CAMK2D: variants seen among roughly 807,000 people sequenced by gnomAD.
CAMK2D encodes the protein calcium/calmodulin dependent protein kinase II delta, also known as calcium/calmodulin-dependent protein kinase type II subunit delta.
In CAMK2D, 37 loss-of-function variants were observed where a neutral mutation model predicts 84.0. The ratio of observed to expected loss-of-function variants is 0.44; its 90% CI spans 0.34 to 0.58. CAMK2D has a LOEUF of 0.58. Ranked by LOEUF, CAMK2D falls within the 20% of genes least tolerant of loss-of-function variation. The pLI, the probability that CAMK2D is intolerant of heterozygous loss-of-function variation, is 0.02. For missense variants in CAMK2D, 448 were observed against 652.5 expected (o/e 0.69, Z 3.41); for synonymous variants, 202 against 212.5 (o/e 0.95, Z 0.43).
At chr4:113,544,187 C>T (rs1351371714) in intron 6 of CAMK2D, among the ~76,000 whole-genome samples, 1 of 152,124 alleles carries the variant, frequency 6.6e-6, no homozygotes, top group Non-Finnish European at 1.5e-5. Flanking sequence ...ACTTCATACA[C>T]CTGTCTACTA....
chr4:113,629,022 T>A (rs1236889794), intron 3 of CAMK2D, among the ~76,000 whole-genome samples: 1 of 151,940 alleles, frequency 6.6e-6, no homozygotes, highest in Non-Finnish European at 1.5e-5. Context: ...TTGAACAAAA[T>A]ACCTAAGCAG....
chr4:113,480,183 G>A (rs1369994086), intron 16 of CAMK2D, among the ~76,000 whole-genome samples: 2 of 151,894 alleles, frequency 1.3e-5, no homozygotes, highest in African/African-American at 4.8e-5. Flanking sequence ...GGCTTGTCTC[G>A]AACTCCTGAG....
intron 12 of CAMK2D, among the ~76,000 whole-genome samples, chr4:113,510,007 G>C (rs1381358415): frequency 6.6e-6 from 1 of 152,196 alleles, no homozygotes; most frequent in Non-Finnish European, 1.5e-5. Flanking sequence ...TTGTAATCCA[G>C]AAAGTTGAAT....
chr4:113,736,899 T>C (rs1297369685), intron 2 of CAMK2D, among the ~76,000 whole-genome samples: 1 of 152,132 alleles, frequency 6.6e-6, no homozygotes, highest in East Asian at 1.9e-4. Context: ...GAACTGGCAA[T>C]GTCCAGTTCA....
At chr4:113,753,905 C>T in intron 2 of CAMK2D, 1 of 984,432 alleles carries the variant, frequency 1.0e-6, no homozygotes, top group Non-Finnish European at 1.2e-6. Flanking sequence ...ATAATCTTGT[C>T]CTCCTTTAAG....
intron 2 of CAMK2D, among the ~76,000 whole-genome samples, chr4:113,687,543 G>A (rs1480752593): frequency 2.0e-5 from 3 of 152,096 alleles, no homozygotes; most frequent in Non-Finnish European, 2.9e-5. Context: ...CCTCCAACTC[G>A]AAATCAACAA....
intron 4 of CAMK2D, among the ~76,000 whole-genome samples, chr4:113,564,315 C>T (rs575789490): frequency 6.6e-6 from 1 of 152,170 alleles, no homozygotes; most frequent in Non-Finnish European, 1.5e-5. Context: ...TTACCTTGAA[C>T]TTTGGTTAGT....
At chr4:113,461,565 C>G (rs1244561590) in intron 17 of CAMK2D, among the ~76,000 whole-genome samples, 1 of 151,988 alleles carries the variant, frequency 6.6e-6, no homozygotes, top group African/African-American at 2.4e-5. Context: ...TGTGTAAGGC[C>G]CCTGGAAATG....
chr4:113,462,292 GTGTCTGTCTGTCTGTC>G (rs764313367), intron 17 of CAMK2D, among the ~76,000 whole-genome samples: 16 of 111,280 alleles, frequency 1.4e-4, no homozygotes, highest in East Asian at 7.1e-4. Context: ...GTGTGTGTGT[GTGTCTGTCTGTCTGTC>G]TGTCTGTCTG....
intron 3 of CAMK2D, among the ~76,000 whole-genome samples, chr4:113,612,077 AT>A (rs1427771413): frequency 1.3e-5 from 2 of 152,070 alleles, no homozygotes; most frequent in Admixed American, 6.6e-5. Flanking sequence ...AATTGTCATG[AT>A]TTTTACTTAC....
intron 2 of CAMK2D, among the ~76,000 whole-genome samples, chr4:113,720,981 G>A (rs2099529034): frequency 6.6e-6 from 1 of 152,088 alleles, no homozygotes. Context: ...GATGTAATTG[G>A]TTTACATATG....
At chr4:113,472,139 T>C (rs1208771465) in intron 16 of CAMK2D, among the ~76,000 whole-genome samples, 1 of 152,228 alleles carries the variant, frequency 6.6e-6, no homozygotes, top group African/African-American at 2.4e-5. Flanking sequence ...CTTACTGCAT[T>C]ATCACGGGAT....
At chr4:113,470,474 C>T (rs756915700) in intron 16 of CAMK2D, among the ~76,000 whole-genome samples, 4 of 152,104 alleles carry the variant, frequency 2.6e-5, no homozygotes, top group African/African-American at 9.7e-5. Flanking sequence ...CCCGTCTCTG[C>T]TAAAAGTACA....
Position 113,661,012 on chromosome 4 carries a change from G to T in CAMK2D, c.220+701C>A, listed in dbSNP as rs190090351. Among the ~76,000 whole-genome samples, 440 of 150,876 alleles carry T rather than the reference G, an allele frequency of 2.9e-3. 1 individual carries two copies. The highest frequency in any genetic ancestry group is 0.01 in the African/African-American group (415 of 41,138). ...GGGGTTTCATGTGTTAGCCAGGATG[G>T]TCTCCATCTCCTGACCTCGTGATCC... On this transcript the variant is annotated intron_variant, in intron 3 of 20. Transcript: ENST00000511664.
chr4:113,622,816 C>G (rs533720704), intron 3 of CAMK2D, among the ~76,000 whole-genome samples: 28 of 152,288 alleles, frequency 1.8e-4, no homozygotes, highest in African/African-American at 6.3e-4. Context: ...GCCAAAAGAA[C>G]ACATGTCCAT....
chr4:113,751,171 A>T (rs562130308), intron 2 of CAMK2D, among the ~76,000 whole-genome samples: 2 of 152,312 alleles, frequency 1.3e-5, no homozygotes, highest in East Asian at 3.9e-4. Context: ...CCATTCACAG[A>T]GGGGGAAAGT....
intron 2 of CAMK2D, among the ~76,000 whole-genome samples, chr4:113,724,333 T>A (rs916437353): frequency 2.0e-5 from 3 of 151,988 alleles, no homozygotes; most frequent in Non-Finnish European, 1.5e-5. Flanking sequence ...ACTGTATCGT[T>A]TTCACTCTGA....
At chr4:113,511,134 G>A (rs1373832726) in intron 12 of CAMK2D, among the ~76,000 whole-genome samples, 2 of 151,760 alleles carry the variant, frequency 1.3e-5, no homozygotes, top group Admixed American at 6.6e-5. Context: ...CATAAAGGGA[G>A]AAAAGAAAAA....
intron 2 of CAMK2D, among the ~76,000 whole-genome samples, chr4:113,750,961 A>G (rs1224757740): frequency 6.6e-6 from 1 of 152,222 alleles, no homozygotes; most frequent in Non-Finnish European, 1.5e-5. Flanking sequence ...TGGAGGCTGC[A>G]GTAAGCTAGG....
Sources: gnomAD v4.1 joint callset for allele counts (sites outside exome capture counted in the v4.1 genomes callset) on GRCh38, gnomAD v4.1.1 for gene constraint, MANE v1.5 for transcripts, NCBI Gene and HGNC (gene_info 2026-07-23, HGNC 2026-07-21) for gene names.